CFAP46: variants seen among roughly 807,000 people sequenced by gnomAD.
CFAP46 encodes the protein cilia and flagella associated protein 46.
A neutral mutation model predicts 325.7 loss-of-function variants in CFAP46; 245 were observed. The observed-to-expected ratio is 0.75, with a 90% confidence interval of 0.68 to 0.84. The LOEUF (loss-of-function observed/expected upper bound fraction) is 0.84, where lower values mean the gene tolerates loss of function less well. Among genes scored for constraint, CFAP46 ranks in the 40% least tolerant of loss-of-function variants. The pLI, the probability that CFAP46 is intolerant of heterozygous loss-of-function variation, is 0.00. For synonymous variants in CFAP46, 1,523 were observed against 1,495.9 expected, an observed-to-expected ratio of 1.02 and a Z score of -0.42; for missense variants, 3,346 against 3,543.0, an observed-to-expected ratio of 0.94 and a Z score of 1.41.
At position 132,942,106 on chromosome 10, in the gene CFAP46, T is replaced by C. The variant is rs1474065577; in HGVS notation, c.50-2A>G. 3 of 1,551,626 alleles carry C rather than the reference T, an allele frequency of 1.9e-6. No homozygotes were observed. The highest frequency in any genetic ancestry group is 2.4e-5 in the East Asian group (1 of 40,918). ...AGGCCTTCTTCAAGGACGCAGCATC[T>C]GTCCCAAACGGGTGGTTGAGGAAGG... On this transcript the variant is annotated splice_acceptor_variant, in intron 1 of 57. Transcript: ENST00000368586. LOFTEE classifies it high-confidence loss of function.
At chr10:132,932,944 G>A (rs1849935695) in intron 8 of CFAP46, among the ~76,000 whole-genome samples, 1 of 152,256 alleles carries the variant, frequency 6.6e-6, no homozygotes, top group African/African-American at 2.4e-5. Flanking sequence ...TGTCCCTGCA[G>A]CTGCCCGCTA....
In CFAP46 at chr10:132,834,708, G is replaced by A; in HGVS notation, c.6812C>T (p.Pro2271Leu). Reference protein sequence around the residue: ...PVQRLSSVLGPLEELLQPLFP... With the variant: ...PVQRLSSVLGLLEELLQPLFP... ...TAGCGGCTGCAGAAGCTCCTCCAGGGGCCCCAGGACGCTACTGAGCCTCTG... is the reference window on the plus strand; with the variant it reads ...TAGCGGCTGCAGAAGCTCCTCCAGGAGCCCCAGGACGCTACTGAGCCTCTG... Residue 2271 changes from proline (P) to leucine (L), a missense_variant, in exon 48 of 58, where the codon CCC (proline) becomes CTC (leucine). Transcript: ENST00000368586. 1 of 1,613,104 alleles carries A rather than the reference G, an allele frequency of 6.2e-7. No homozygotes were observed.
intron 11 of CFAP46, 35 bp from the exon 12 acceptor site, chr10:132,922,743 G>T: frequency 6.7e-7 from 1 of 1,495,678 alleles, no homozygotes; most frequent in Non-Finnish European, 9.1e-7. Flanking sequence ...GGCCCTGGCG[G>T]CGCTGCGCCT....
intron 44 of CFAP46, among the ~76,000 whole-genome samples, chr10:132,837,775 A>G (rs940796212): frequency 6.0e-5 from 9 of 149,668 alleles, no homozygotes; most frequent in Non-Finnish European, 1.5e-5. Context: ...ACACGTACAC[A>G]GATGCACACA....
At chr10:132,885,743 TGGGGAGCACTCACAGGCGGTGG>T (rs1333747940) in intron 26 of CFAP46, 56 bp downstream of exon 26, 68 of 1,262,002 alleles carry the variant, frequency 5.4e-5, no homozygotes, top group African/African-American at 3.0e-4. Context: ...ACAGGCGGTG[TGGGGAGCACTCACAGGCGGTGG>T]GGGGAGCACT....
chr10:132,874,269 G>T (rs1426548137), intron 31 of CFAP46, among the ~76,000 whole-genome samples: 1 of 152,232 alleles, frequency 6.6e-6, no homozygotes, highest in East Asian at 1.9e-4. Context: ...GACATAAAGT[G>T]AGTGACAGCA....
At chr10:132,887,408 CCTCTCCT>C (rs1849162399) in intron 25 of CFAP46, among the ~76,000 whole-genome samples, 1 of 111,354 alleles carries the variant, frequency 9.0e-6, no homozygotes, top group African/African-American at 4.2e-5. Context: ...TTCTCTCTCT[CCTCTCCT>C]CTCTCCTCCC....
At chr10:132,824,847 CTGA>C (rs1449296755) in intron 50 of CFAP46, among the ~76,000 whole-genome samples, 2 of 119,712 alleles carry the variant, frequency 1.7e-5, no homozygotes, top group Admixed American at 9.0e-5. Context: ...TGTGTGAGCG[CTGA>C]TGTGTGTGTG....
intron 44 of CFAP46, among the ~76,000 whole-genome samples, chr10:132,837,836 T>C (rs1564772935): frequency 7.9e-6 from 1 of 126,698 alleles, no homozygotes; most frequent in Non-Finnish European, 1.7e-5. Flanking sequence ...CACACAGACA[T>C]GCACGGACAC....
At chr10:132,893,699 G>C (rs763249113) in intron 24 of CFAP46, among the ~76,000 whole-genome samples, 3 of 152,198 alleles carry the variant, frequency 2.0e-5, no homozygotes, top group Non-Finnish European at 4.4e-5. Flanking sequence ...CCATGCACGT[G>C]ATCTCTCAGG....
chr10:132,867,136 C>T lies in CFAP46; in HGVS notation c.4743+239G>A, dbSNP rs567879545. ...CAAACAGACACACAGGCCGGCCCCT[C>T]GCACACTGACACACACACAGGCCGG... is the stretch of plus-strand genomic sequence containing the variant. On this transcript the variant is annotated intron_variant, in intron 34 of 57. Transcript: ENST00000368586. Among the ~76,000 whole-genome samples, 13 of 151,918 alleles carry T rather than the reference C, an allele frequency of 8.6e-5. No homozygotes were observed. In the East Asian group the frequency reaches 1.4e-3, roughly 16 times the overall value.
chr10:132,920,778 G>A (rs757262909), intron 13 of CFAP46, among the ~76,000 whole-genome samples: 2 of 152,188 alleles, frequency 1.3e-5, no homozygotes, highest in Admixed American at 6.5e-5. Context: ...AGCCCGTGCC[G>A]CCCTCACTGC....
At chr10:132,812,728 T>C in intron 55 of CFAP46, 57 bp downstream of exon 55, 2 of 1,312,790 alleles carry the variant, frequency 1.5e-6, no homozygotes, top group Non-Finnish European at 2.2e-6. Context: ...TGCTCTGCCC[T>C]CAGGCGGGTT....
At chr10:132,821,384 T>C (rs1419520470) in intron 50 of CFAP46, among the ~76,000 whole-genome samples, 1 of 136,768 alleles carries the variant, frequency 7.3e-6, no homozygotes, top group Admixed American at 7.0e-5. Context: ...GTGTGTGCAC[T>C]GATGTGTGCT....
At position 132,876,855 on chromosome 10, in the gene CFAP46, T is replaced by C; in HGVS notation, c.4319A>G (p.Asp1440Gly). Reference sequence around the variant, plus strand: ...GGGGTTCACAGTAGAGTCACTTCTGTCCTGTTTCAGTACAGACAGCACTTC... The same window carrying C: ...GGGGTTCACAGTAGAGTCACTTCTGCCCTGTTTCAGTACAGACAGCACTTC... ...PEEVLSVLKQ[D>G]RSDSTVNPSS... Residue 1440 changes from aspartate to glycine, a missense_variant, in exon 31 of 58, where the codon GAC (aspartate) becomes GGC (glycine). Asp to Gly is a moderately conservative substitution (Grantham distance 94). Transcript: ENST00000368586. The surrounding 1 kb of genome is among the most constrained non-coding windows in gnomAD (Gnocchi z 4.1). 1 of 1,550,410 alleles carries C rather than the reference T, an allele frequency of 6.4e-7. No individual in the cohort carries two copies. The highest frequency in any genetic ancestry group is 8.7e-7 in the Non-Finnish European group (1 of 1,146,980).
At chr10:132,904,708 G>A (rs990669735) in intron 22 of CFAP46, among the ~76,000 whole-genome samples, 2 of 152,194 alleles carry the variant, frequency 1.3e-5, no homozygotes, top group Non-Finnish European at 2.9e-5. Context: ...GCAGCACTCT[G>A]CACCCTCACC....
At position 132,869,992 on chromosome 10, in the gene CFAP46, G is replaced by A. The variant is rs984581155; in HGVS notation, c.4512-620C>T. 3.3e-5 allele frequency among the ~76,000 whole-genome samples: 5 copies of A among 152,172 alleles called. No homozygotes were observed. The highest frequency in any genetic ancestry group is 7.2e-5 in the African/African-American group (3 of 41,434). On this transcript the variant is annotated intron_variant, in intron 32 of 57. Coordinates refer to ENST00000368586, the MANE Select transcript of CFAP46 (RefSeq NM_001200049.3). The surrounding 1 kb of genome is among the most constrained non-coding windows in gnomAD (Gnocchi z 6.2). Reference sequence around the variant, plus strand: ...TTGAAAGTCTGGGGCAGCCCTGAGCGACCAAGTCCATCGGCGCCATTTTCC... The same window carrying A: ...TTGAAAGTCTGGGGCAGCCCTGAGCAACCAAGTCCATCGGCGCCATTTTCC...
intron 47 of CFAP46, among the ~76,000 whole-genome samples, chr10:132,835,100 G>A (rs1267401389): frequency 2.0e-5 from 3 of 152,266 alleles, no homozygotes; most frequent in East Asian, 1.9e-4. Context: ...GATCAGACAT[G>A]GCCAAGGAGC....
intron 50 of CFAP46, among the ~76,000 whole-genome samples, chr10:132,826,586 G>C (rs924297308): frequency 7.6e-6 from 1 of 131,110 alleles, no homozygotes; most frequent in African/African-American, 3.0e-5. Context: ...CACGGAGCCA[G>C]GGAGGAGCCG....
Sources: allele counts gnomAD v4.1 joint callset (sites outside exome capture counted in the v4.1 genomes callset), GRCh38; gene constraint gnomAD v4.1.1; non-coding constraint Gnocchi (gnomAD v3.1); transcripts MANE v1.5; gene names NCBI Gene and HGNC (gene_info 2026-07-23, HGNC 2026-07-21).